SLC17A6: variants seen among roughly 807,000 people sequenced by gnomAD.
The protein encoded by SLC17A6 is solute carrier family 17 member 6.
SLC17A6 carries 35 observed loss-of-function variants against 67.1 expected under a neutral mutation model. The ratio of observed to expected loss-of-function variants is 0.52; its 90% confidence interval spans 0.40 to 0.69. The LOEUF (loss-of-function observed/expected upper bound fraction) is 0.69, where lower values mean the gene tolerates loss of function less well. Ranked by LOEUF, SLC17A6 falls within the 30% of genes least tolerant of loss-of-function variation. SLC17A6 has a pLI of 0.00. For synonymous variants in SLC17A6, 285 were observed against 252.3 expected (o/e 1.13, Z -1.23); for missense variants, 588 against 723.9 (o/e 0.81, Z 2.15).
chr11:22,374,051 T>C (rs1211745192), intron 8 of SLC17A6, among the ~76,000 whole-genome samples: 2 of 152,222 alleles, frequency 1.3e-5, no homozygotes, highest in Non-Finnish European at 2.9e-5. Context: ...ATGCATTTTA[T>C]GTATACTTAC....
rs1855817906 is a variant in SLC17A6, at chr11:22,341,680, G to C, written c.239G>C (p.Gly80Ala). ...ATTATCGCCATCATGAGCGGCCTGGGCTTCTGCATCTCCTTCGGTATCCGC... is the reference window on the plus strand; with the variant it reads ...ATTATCGCCATCATGAGCGGCCTGGCCTTCTGCATCTCCTTCGGTATCCGC... Reference protein sequence around the residue: ...RYIIAIMSGLGFCISFGIRCN... With the variant: ...RYIIAIMSGLAFCISFGIRCN... The change falls in exon 2 of 12, where the codon GGC becomes GCC. Residue 80 changes from glycine to alanine, a missense_variant. By Grantham distance (60) the Gly-to-Ala change is moderately conservative. Around this residue, in one of 4 missense-constraint regions of SLC17A6, gnomAD observed 9 missense variants for 25.3 expected, o/e 0.36. Coordinates refer to ENST00000263160, the MANE Select transcript of SLC17A6 (RefSeq NM_020346.3). 1 of 1,614,122 alleles carries C rather than the reference G, an allele frequency of 6.2e-7. No individual in the cohort carries two copies. Among genetic ancestry groups the C allele is most frequent in the Non-Finnish European group, 8.5e-7 (1 of 1,180,052 alleles).
Position 22,377,599 on chromosome 11 carries a change from A to C in SLC17A6, c.1608A>C (p.Ile536=). 6.2e-7 allele frequency: 1 copy of C among 1,614,160 alleles called. No homozygotes were observed. The highest frequency in any genetic ancestry group is 8.5e-7 in the Non-Finnish European group (1 of 1,180,012). Residue 536 remains isoleucine, a synonymous_variant, in exon 12 of 12, where the codon ATA becomes ATC. Coordinates refer to ENST00000263160, the MANE Select transcript of SLC17A6 (RefSeq NM_020346.3). ...CAGGGGACATTACTCAAAATTATAT[A>C]AATTATGGTACCACCAAGTCTTATG... is the stretch of plus-strand genomic sequence containing the variant. ...EETGDITQNY[I]NYGTTKSYGA...
chr11:22,369,196 G>C (rs767463150), intron 7 of SLC17A6, among the ~76,000 whole-genome samples: 53 of 152,100 alleles, frequency 3.5e-4, no homozygotes, highest in Non-Finnish European at 7.7e-4. Context: ...TAGGGAATAT[G>C]AGAGATATTT....
chr11:22,361,080 C>A, intron 5 of SLC17A6, 96 bp downstream of exon 5: 2 of 951,282 alleles, frequency 2.1e-6, no homozygotes, highest in South Asian at 1.7e-5. Context: ...GTAAAACCAT[C>A]TGGGTTTTGT....
chr11:22,377,578 G>A lies in SLC17A6; in HGVS notation c.1587G>A (p.Gly529=), dbSNP rs770305192. The A allele has an allele frequency of 3.8e-5, 61 of 1,614,030 alleles. No homozygotes were observed. Among genetic ancestry groups the A allele is most frequent in the Admixed American group, 5.0e-5 (3 of 59,998 alleles). ...IHEDELDEET[G]DITQNYINYG... ...AAGATGAACTCGATGAAGAAACAGG[G>A]GACATTACTCAAAATTATATAAATT... Residue 529 remains glycine, a synonymous_variant, in exon 12 of 12, where the codon GGG becomes GGA. Transcript: ENST00000263160.
chr11:22,376,154 C>A, intron 10 of SLC17A6, 62 bp downstream of exon 10: 2 of 1,079,052 alleles, frequency 1.9e-6, no homozygotes, highest in Non-Finnish European at 2.8e-6. Context: ...TGATAAAAGA[C>A]ACATACATAT....
chr11:22,360,536 CCA>C (rs1491426777), intron 4 of SLC17A6, among the ~76,000 whole-genome samples: 1 of 136,686 alleles, frequency 7.3e-6, no homozygotes. Flanking sequence ...TCCCCCCCCC[CCA>C]AAAAAAAGAT....
chr11:22,352,282 A>G (rs1269089311), intron 3 of SLC17A6, among the ~76,000 whole-genome samples: 1 of 152,200 alleles, frequency 6.6e-6, no homozygotes, highest in Admixed American at 6.5e-5. Flanking sequence ...CAACTATCTC[A>G]AGTGAGGATT....
At chr11:22,374,318 A>G (rs1856207037) in intron 8 of SLC17A6, among the ~76,000 whole-genome samples, 1 of 152,204 alleles carries the variant, frequency 6.6e-6, no homozygotes, top group Non-Finnish European at 1.5e-5. Flanking sequence ...CTCATGATAT[A>G]TATATTTAAA....
intron 3 of SLC17A6, among the ~76,000 whole-genome samples, chr11:22,347,105 A>T (rs1047247489): frequency 1.3e-5 from 2 of 151,688 alleles, no homozygotes; most frequent in African/African-American, 2.4e-5. Flanking sequence ...TTACTTATTT[A>T]TCTGTTTCTC....
intron 8 of SLC17A6, among the ~76,000 whole-genome samples, chr11:22,374,501 C>T (rs530207665): frequency 6.8e-6 from 1 of 146,904 alleles, no homozygotes; most frequent in South Asian, 2.2e-4. Context: ...GATTCATACT[C>T]AAAATTTACT....
intron 3 of SLC17A6, among the ~76,000 whole-genome samples, chr11:22,345,628 T>C (rs1004837320): frequency 6.6e-6 from 1 of 152,176 alleles, no homozygotes; most frequent in African/African-American, 2.4e-5. Context: ...ATTAAAAATG[T>C]ATTGTAAAAT....
At chr11:22,353,638 A>G (rs578099084) in intron 3 of SLC17A6, among the ~76,000 whole-genome samples, 7 of 152,362 alleles carry the variant, frequency 4.6e-5, no homozygotes, top group Middle Eastern at 3.4e-3. Flanking sequence ...AATGGTCAAA[A>G]GCAGAACAGA....
chr11:22,353,499 T>C (rs1436374790), intron 3 of SLC17A6, among the ~76,000 whole-genome samples: 1 of 152,188 alleles, frequency 6.6e-6, no homozygotes, highest in East Asian at 1.9e-4. Context: ...AGCAAGAAAT[T>C]GGAGTTGGAA....
intron 6 of SLC17A6, 28 bp downstream of exon 6, chr11:22,362,853 T>A: frequency 6.4e-7 from 1 of 1,569,046 alleles, no homozygotes; most frequent in Non-Finnish European, 8.8e-7. Context: ...GCAATAGAGT[T>A]AAAGGAAATG....
At chr11:22,365,926 C>T (rs1235388290) in intron 7 of SLC17A6, among the ~76,000 whole-genome samples, 3 of 152,040 alleles carry the variant, frequency 2.0e-5, no homozygotes, top group Non-Finnish European at 4.4e-5. Flanking sequence ...TGGGTGATAA[C>T]TATGACTGCA....
At position 22,378,716 on chromosome 11, in the gene SLC17A6, G is replaced by C. The variant is rs1405254610; in HGVS notation, c.*976G>C. ...TACTATATGAAACTTGTGCCACAGA[G>C]CTATATATAATATGAAAAGATTAAC... On this transcript the variant is annotated 3_prime_UTR_variant, in exon 12 of 12. Coordinates refer to ENST00000263160, the MANE Select transcript of SLC17A6 (RefSeq NM_020346.3). The C allele has an allele frequency of 6.6e-6, 1 of 152,086 alleles. No individual in the cohort carries two copies. The highest frequency in any genetic ancestry group is 1.5e-5 in the Non-Finnish European group (1 of 67,886). 9.4% of individuals were successfully genotyped at this position (152,086 alleles called of 1,614,324 possible).
intron 3 of SLC17A6, among the ~76,000 whole-genome samples, chr11:22,349,498 A>G (rs1349794897): frequency 1.3e-5 from 2 of 152,190 alleles, no homozygotes; most frequent in Non-Finnish European, 2.9e-5. Flanking sequence ...TTTGCCGATA[A>G]GAGTTTCTCT....
intron 3 of SLC17A6, among the ~76,000 whole-genome samples, chr11:22,353,051 G>C (rs1196857459): frequency 6.6e-6 from 1 of 152,128 alleles, no homozygotes; most frequent in Non-Finnish European, 1.5e-5. Flanking sequence ...TATTTAATCA[G>C]TGCAAAATCA....
Sources: gnomAD v4.1 joint callset for allele counts (sites outside exome capture counted in the v4.1 genomes callset) on GRCh38, gnomAD v4.1.1 for gene constraint, gnomAD v4.1.1 regional missense constraint, MANE v1.5 for transcripts, NCBI Gene and HGNC (gene_info 2026-07-23, HGNC 2026-07-21) for gene names.